The following SYNE1 variants were observed in gnomAD, a reference collection of about 807,000 sequenced individuals.
SYNE1 encodes spectrin repeat containing nuclear envelope protein 1, also known as nesprin-1.
A neutral mutation model predicts 1,111.0 loss-of-function variants in SYNE1; 616 were observed. The ratio of observed to expected loss-of-function variants is 0.55; its 90% confidence interval spans 0.52 to 0.59. The LOEUF (loss-of-function observed/expected upper bound fraction) is 0.59, where lower values mean the gene tolerates loss of function less well. SYNE1 is among the 20% of genes least tolerant of loss of function. SYNE1 has a pLI of 0.00. For synonymous variants in SYNE1, 3,855 were observed against 3,825.8 expected (o/e 1.01, Z -0.28); for missense variants, 10,006 against 10,417.0 (o/e 0.96, Z 1.72).
chr6:152,262,138 G>A lies in SYNE1; in HGVS notation c.18866C>T (p.Ser6289Leu). The A allele has an allele frequency of 1.2e-6, 2 of 1,613,866 alleles. No individual in the cohort carries two copies. The highest frequency in any genetic ancestry group is 1.7e-6 in the Non-Finnish European group (2 of 1,179,920). ...CATTCTCATCTGGTCTTCAGCGGAT[G>A]ATTTCTCCCCTTCCATCCCCAACTC... is the stretch of plus-strand genomic sequence containing the variant. ...SQELGMEGEK[S>L]SAEDQMRMKW... The change falls in exon 101 of 146, where the codon TCA becomes TTA. Residue 6289 changes from serine to leucine, a missense_variant. Physicochemically the swap from Ser to Leu is moderately radical, Grantham distance 145 (BLOSUM62 -2). Transcript: ENST00000367255.
At chr6:152,264,998 C>T (rs1333689202) in intron 100 of SYNE1, among the ~76,000 whole-genome samples, 1 of 151,964 alleles carries the variant, frequency 6.6e-6, no homozygotes, top group Non-Finnish European at 1.5e-5. Context: ...TCACTTAGGT[C>T]CGGAGTTCAA....
intron 130 of SYNE1, among the ~76,000 whole-genome samples, chr6:152,176,035 T>A (rs1350994339): frequency 2.7e-5 from 4 of 150,208 alleles, no homozygotes; most frequent in Non-Finnish European, 5.9e-5. Flanking sequence ...TTTTTTTTGC[T>A]ACTGCAGACA....
intron 115 of SYNE1, among the ~76,000 whole-genome samples, chr6:152,226,916 C>A (rs9479272): frequency 0.2 from 30,034 of 152,046 alleles, 3,612 homozygotes; most frequent in Admixed American, 0.37. Flanking sequence ...CAGAAGTATA[C>A]CCTCAGAACT....
At chr6:152,293,531 A>G in intron 95 of SYNE1, 57 bp downstream of exon 95, 1 of 1,589,856 alleles carries the variant, frequency 6.3e-7, no homozygotes, top group Non-Finnish European at 8.6e-7. Flanking sequence ...CAGGCCAACC[A>G]GTCACAACAG....
chr6:152,432,853 T>A (rs558786003), intron 34 of SYNE1, among the ~76,000 whole-genome samples: 3 of 152,134 alleles, frequency 2.0e-5, no homozygotes, highest in African/African-American at 7.2e-5. Context: ...TTTCCTGGTA[T>A]ACCAAAGAAG....
intron 2 of SYNE1, among the ~76,000 whole-genome samples, chr6:152,631,732 G>A (rs1001193032): frequency 6.6e-6 from 1 of 152,134 alleles, no homozygotes. Context: ...AGGGGTGGAG[G>A]TGGGTATAGG....
intron 97 of SYNE1, among the ~76,000 whole-genome samples, chr6:152,280,897 T>C (rs2093989171): frequency 6.6e-6 from 1 of 152,192 alleles, no homozygotes; most frequent in African/African-American, 2.4e-5. Flanking sequence ...CGAATGATAA[T>C]GATCAATATT....
chr6:152,371,807 G>C (rs1436540752), intron 59 of SYNE1, among the ~76,000 whole-genome samples: 1 of 145,852 alleles, frequency 6.9e-6, no homozygotes, highest in Non-Finnish European at 1.5e-5. Flanking sequence ...GGAAAGGAAA[G>C]GATAAGAAAG....
rs3818110 is a variant in SYNE1, at chr6:152,139,926, G to A, written c.25458+24C>T. On this transcript the variant is annotated intron_variant, in intron 140 of 145. Coordinates refer to ENST00000367255, the MANE Select transcript of SYNE1 (RefSeq NM_182961.4). ...CGCGGTGGCTCTCTGTTTGTCCGCC[G>A]TGGGAAAGGCAAGGGGCAGCTACCT... 0.4 allele frequency: 636,758 copies of A among 1,610,822 alleles called. 128,689 individuals are homozygous for A. The highest frequency in any genetic ancestry group is 0.52 in the African/African-American group (39,187 of 74,660).
At position 152,380,983 on chromosome 6, in the gene SYNE1, T is replaced by C. The variant is rs752710933; in HGVS notation, c.9009+23A>G. ...ACATTTTTTAAAGCATAACCACCAA[T>C]AGAAAACAGGAAGCCAACTTACTTG... On this transcript the variant is annotated intron_variant, in intron 56 of 145. Transcript: ENST00000367255. The C allele has an allele frequency of 1.2e-5, 19 of 1,608,750 alleles. No individual in the cohort carries two copies. The East Asian group carries it at 3.3e-4, about 28-fold the overall frequency.
intron 135 of SYNE1, among the ~76,000 whole-genome samples, chr6:152,150,345 G>C (rs2060194447): frequency 6.6e-6 from 1 of 152,214 alleles, no homozygotes; most frequent in Non-Finnish European, 1.5e-5. Context: ...AGACTCCCAG[G>C]AGAGAAGAGA....
chr6:152,421,421 A>C (rs1268324960), intron 39 of SYNE1, among the ~76,000 whole-genome samples: 4 of 152,184 alleles, frequency 2.6e-5, no homozygotes, highest in Non-Finnish European at 5.9e-5. Flanking sequence ...TAGGCCAAGT[A>C]TAATAAGACT....
chr6:152,154,185 T>C (rs965249194), intron 133 of SYNE1, among the ~76,000 whole-genome samples: 2 of 152,076 alleles, frequency 1.3e-5, no homozygotes, highest in Admixed American at 6.5e-5. Context: ...TCCATGAAAA[T>C]GAAAGGCAGC....
chr6:152,471,604 T>G lies in SYNE1; in HGVS notation c.1625A>C (p.Asn542Thr). The change falls in exon 16 of 146, where the codon AAC becomes ACC. Residue 542 changes from asparagine to threonine, a missense_variant. Physicochemically the swap from Asn to Thr is moderately conservative, Grantham distance 65. Transcript: ENST00000367255. ...AAAGCACGGGGGACTCACCACGTAG[T>G]TTTGTAGAAGCTGCTCCACTGACTC... ...RRESVEQLLQNYVSFIENSKF... is the reference protein window; with the variant it reads ...RRESVEQLLQTYVSFIENSKF... 1 of 1,613,860 alleles carries G rather than the reference T, an allele frequency of 6.2e-7. No homozygotes were observed.
At chr6:152,141,454 C>A in intron 138 of SYNE1, 125 bp from the exon 139 acceptor site, 1 of 1,354,824 alleles carries the variant, frequency 7.4e-7, no homozygotes, top group Non-Finnish European at 1.0e-6. Context: ...CTGTGCCACC[C>A]TGCTAAAAAT....
chr6:152,571,924 C>T (rs1244757916), intron 3 of SYNE1, among the ~76,000 whole-genome samples: 2 of 151,966 alleles, frequency 1.3e-5, no homozygotes, highest in Admixed American at 1.3e-4. Context: ...CTAGTTTGTG[C>T]ATCATCACAG....
At chr6:152,313,620 G>A (rs1018127054) in intron 87 of SYNE1, among the ~76,000 whole-genome samples, 2 of 151,870 alleles carry the variant, frequency 1.3e-5, no homozygotes, top group South Asian at 2.1e-4. Flanking sequence ...TCCCAACCAC[G>A]TCCAGCTAAC....
At chr6:152,355,017 T>G in intron 66 of SYNE1, 41 bp from the exon 67 acceptor site, 1 of 1,607,308 alleles carries the variant, frequency 6.2e-7, no homozygotes, top group Non-Finnish European at 8.5e-7. Flanking sequence ...CAATCATATT[T>G]CACACTTGCA....
intron 130 of SYNE1, among the ~76,000 whole-genome samples, chr6:152,174,678 G>A (rs1011776662): frequency 3.3e-5 from 5 of 152,214 alleles, no homozygotes; most frequent in South Asian, 4.1e-4. Flanking sequence ...CAGGACACGC[G>A]CTTTGGAGTC....
Sources: gnomAD v4.1 joint callset for allele counts (sites outside exome capture counted in the v4.1 genomes callset) on GRCh38, gnomAD v4.1.1 for gene constraint, MANE v1.5 for transcripts, NCBI Gene and HGNC (gene_info 2026-07-23, HGNC 2026-07-21) for gene names.